PRSS1: variants seen among roughly 807,000 people sequenced by gnomAD.
PRSS1 encodes serine protease 1, also known as TCR V beta 4.1.
A neutral mutation model predicts 24.2 loss-of-function variants in PRSS1; 22 were observed. The ratio of observed to expected loss-of-function variants is 0.91; its 90% CI spans 0.65 to 1.30. The LOEUF (loss-of-function observed/expected upper bound fraction) is 1.30. Among genes scored for constraint, PRSS1 ranks in the 50% most tolerant of loss-of-function variants. The pLI is 0.00. For synonymous variants in PRSS1, 126 were observed against 116.1 expected, an observed-to-expected ratio of 1.08 and a Z score of -0.55; for missense variants, 366 against 304.2, an observed-to-expected ratio of 1.20 and a Z score of -1.51.
intron 2 of PRSS1, 31 bp downstream of exon 2, chr7:142,750,745 C>T: frequency 2.5e-6 from 4 of 1,613,738 alleles, no homozygotes; most frequent in Middle Eastern, 3.3e-4. Flanking sequence ...TGCAAAGCTC[C>T]CGGCCAGTCT....
At chr7:142,750,247 G>A (rs1240939337) in intron 1 of PRSS1, among the ~76,000 whole-genome samples, 3 of 152,202 alleles carry the variant, frequency 2.0e-5, no homozygotes, top group Non-Finnish European at 4.4e-5. Context: ...GAAGCACTCA[G>A]TGGGAGAGAC....
In PRSS1 at chr7:142,751,856, C is replaced by G. The variant is rs201775810; in HGVS notation, c.283C>G (p.Arg95Gly). 3.1e-6 allele frequency: 5 copies of G among 1,613,908 alleles called. No individual in the cohort carries two copies. The Admixed American group carries it at 8.3e-5, about 27-fold the overall frequency. The change falls in exon 3 of 5, where the codon CGC becomes GGC. Residue 95 changes from arginine (R) to glycine (G), a missense_variant. Transcript: ENST00000311737. ...GTTCATCAATGCAGCCAAGATCATC[C>G]GCCACCCCCAATACGACAGGAAGAC... is the stretch of plus-strand genomic sequence containing the variant. ...EQFINAAKIIRHPQYDRKTLN... is the reference protein window; with the variant it reads ...EQFINAAKIIGHPQYDRKTLN...
Position 142,749,482 on chromosome 7 carries a change from AC to A in PRSS1, c.-1del. On this transcript the variant is annotated 5_prime_UTR_variant, in exon 1 of 5. Coordinates refer to ENST00000311737, the MANE Select transcript of PRSS1 (RefSeq NM_002769.5). ...CACCACCAGTCAGGCACACTCTACCACCATGAATCCACTCCTGATCCTTACC... is the reference window on the plus strand; with the variant it reads ...CACCACCAGTCAGGCACACTCTACCACATGAATCCACTCCTGATCCTTACC... 6.2e-7 allele frequency: 1 copy of A among 1,614,084 alleles called. No individual in the cohort carries two copies.
rs1366653442 is a variant in PRSS1 at position 142,752,553 on chromosome 7, A to G, written c.577A>G (p.Lys193Glu). 7 of 1,614,186 alleles carry G rather than the reference A, an allele frequency of 4.3e-6. No homozygotes were observed. Among genetic ancestry groups the G allele is most frequent in the Non-Finnish European group, 5.1e-6 (6 of 1,180,016 alleles). ...MFCVGFLEGG[K>E]DSCQGDSGGP... Reference sequence around the variant, plus strand: ...CTGTGTGGGCTTCCTTGAGGGAGGCAAGGATTCATGTCAGGTGATTTGACC... The same window carrying G: ...CTGTGTGGGCTTCCTTGAGGGAGGCGAGGATTCATGTCAGGTGATTTGACC... Residue 193 changes from lysine (K) to glutamate (E), a missense_variant, in exon 4 of 5, where the codon AAG becomes GAG. By Grantham distance (56) the Lys-to-Glu change is moderately conservative (BLOSUM62 1). Transcript: ENST00000311737.
At chr7:142,751,292 G>T (rs1388183691) in intron 2 of PRSS1, 6 of 602,384 alleles carry the variant, frequency 1.0e-5, no homozygotes, top group African/African-American at 7.4e-5. Flanking sequence ...TAAGGACCAA[G>T]AATTCACATT....
chr7:142,752,402 T>C (rs747038977), intron 3 of PRSS1, 29 bp from the exon 4 acceptor site: 12 of 1,612,608 alleles, frequency 7.4e-6, no homozygotes, highest in South Asian at 5.5e-5. Flanking sequence ...ACATTTCTAC[T>C]TCCTTTGATC....
At chr7:142,749,602 T>C in intron 1 of PRSS1, 78 bp downstream of exon 1, 22 of 1,528,838 alleles carry the variant, frequency 1.4e-5, no homozygotes, top group Non-Finnish European at 1.9e-5. Flanking sequence ...TCTTACCACC[T>C]CTCCTCTTTT....
chr7:142,751,261 G>C, intron 2 of PRSS1: 1 of 540,114 alleles, frequency 1.9e-6, no homozygotes, highest in South Asian at 2.2e-5. Context: ...CTTCCCCAAG[G>C]TTCTGATCAG....
rs775936808 is a variant in PRSS1 at position 142,752,465 on chromosome 7, T to G, written c.489T>G (p.Ala163=). 2 of 1,614,150 alleles carry G rather than the reference T, an allele frequency of 1.2e-6. No individual in the cohort carries two copies. Among genetic ancestry groups the G allele is most frequent in the Non-Finnish European group, 1.7e-6 (2 of 1,179,992 alleles). Residue 163 remains alanine (A), a synonymous_variant, in exon 4 of 5, where the codon GCT becomes GCG. Transcript: ENST00000311737. ...CAGACGAGCTGCAGTGCCTGGATGC[T>G]CCTGTGCTGAGCCAGGCTAAGTGTG... ...DYPDELQCLD[A]PVLSQAKCEA... is the part of the protein sequence containing the mutation.
In PRSS1 at chr7:142,750,677, G is replaced by A. The variant is rs1365488828; in HGVS notation, c.163G>A (p.Glu55Lys). Residue 55 changes from glutamate to lysine, a missense_variant, in exon 2 of 5, where the codon GAA becomes AAA. Transcript: ENST00000311737. ...CTTCTGTGGTGGCTCCCTCATCAAC[G>A]AACAGTGGGTGGTATCAGCAGGCCA... The part of the protein sequence containing the change: ...YHFCGGSLIN[E>K]QWVVSAGHCY... 5.0e-6 allele frequency: 8 copies of A among 1,613,100 alleles called. No individual in the cohort carries two copies. In the East Asian group the frequency reaches 1.1e-4, roughly 22 times the overall value.
At chr7:142,749,559 C>G (rs774477433) in intron 1 of PRSS1, 35 bp downstream of exon 1, 21 of 1,490,456 alleles carry the variant, frequency 1.4e-5, no homozygotes, top group Non-Finnish European at 1.8e-5. Context: ...CCCCAACCAC[C>G]CCCCCGTTCC....
Position 142,753,028 on chromosome 7 carries a change from A to G in PRSS1, c.*8A>G, listed in dbSNP as rs750733084. 17 of 1,565,486 alleles carry G rather than the reference A, an allele frequency of 1.1e-5. No individual in the cohort carries two copies. In the African/African-American group the frequency reaches 2.5e-4, roughly 23 times the overall value. ...ATAGCTGCCAATAGCTAAAGCCCCC[A>G]GTATCTCTTCAGTCTCTATACCAAT... On this transcript the variant is annotated 3_prime_UTR_variant, in exon 5 of 5. Coordinates refer to ENST00000311737, the MANE Select transcript of PRSS1 (RefSeq NM_002769.5).
In PRSS1 at chr7:142,752,576, A is replaced by C. The variant is rs755746222; in HGVS notation, c.591+9A>C. ...GCAAGGATTCATGTCAGGTGATTTG[A>C]CCAACCCTTCCCATGCTGAGGCTCC... On this transcript the variant is annotated intron_variant, in intron 4 of 4. Transcript: ENST00000311737. The C allele has an allele frequency of 1.9e-6, 3 of 1,614,142 alleles. No homozygotes were observed. Among genetic ancestry groups the C allele is most frequent in the Non-Finnish European group, 2.5e-6 (3 of 1,180,002 alleles).
intron 4 of PRSS1, 61 bp from the exon 5 acceptor site, chr7:142,752,807 A>G (rs1369853955): frequency 6.3e-7 from 1 of 1,588,754 alleles, no homozygotes; most frequent in African/African-American, 1.3e-5. Context: ...TAAGGTTCAG[A>G]GTAAATGTAG....
chr7:142,751,201 T>G (rs1798692227), intron 2 of PRSS1: 6 of 664,082 alleles, frequency 9.0e-6, no homozygotes, highest in Middle Eastern at 7.3e-4. Flanking sequence ...CAAACCTGAG[T>G]ATGCATCAGA....
At position 142,752,436 on chromosome 7, in the gene PRSS1, T is replaced by C. The variant is rs1199917100; in HGVS notation, c.460T>C (p.Tyr154His). Residue 154 changes from tyrosine to histidine, a missense_variant, in exon 4 of 5, where the codon TAC becomes CAC. By Grantham distance (83) the Tyr-to-His change is moderately conservative. Transcript: ENST00000311737. Reference protein sequence around the residue: ...WGNTASSGADYPDELQCLDAP... With the variant: ...WGNTASSGADHPDELQCLDAP... The stretch of plus-strand genomic sequence containing the variant: ...TCTCTTCCTGATCCTCACAGCCGAC[T>C]ACCCAGACGAGCTGCAGTGCCTGGA... 1.9e-6 allele frequency: 3 copies of C among 1,614,120 alleles called. No individual in the cohort carries two copies. The highest frequency in any genetic ancestry group is 2.2e-5 in the East Asian group (1 of 44,870).
chr7:142,751,344 T>A, intron 2 of PRSS1: 1 of 589,440 alleles, frequency 1.7e-6, no homozygotes, highest in Non-Finnish European at 3.0e-6. Context: ...TGGCTACCCT[T>A]GGATTAGATT....
At chr7:142,749,639 C>A in intron 1 of PRSS1, 115 bp downstream of exon 1, 1 of 1,397,336 alleles carries the variant, frequency 7.2e-7, no homozygotes, top group Non-Finnish European at 1.0e-6. Context: ...TCCGTTTCCT[C>A]CATCTGGCAT....
intron 2 of PRSS1, chr7:142,751,049 A>G (rs551513909): frequency 3.1e-6 from 2 of 645,868 alleles, no homozygotes; most frequent in East Asian, 5.5e-5. Flanking sequence ...AAAAATACAG[A>G]TGCCTTTGTC....
Sources: gnomAD v4.1 joint callset for allele counts (sites outside exome capture counted in the v4.1 genomes callset) on GRCh38, gnomAD v4.1.1 for gene constraint, MANE v1.5 for transcripts, NCBI Gene and HGNC (gene_info 2026-07-23, HGNC 2026-07-21) for gene names.